The following DPH6 variants were observed in gnomAD, a reference collection of about 807,000 sequenced individuals.
The protein encoded by DPH6 is diphthamine biosynthesis 6, also known as diphthine--ammonia ligase.
In DPH6, 33 loss-of-function variants were observed where a neutral mutation model predicts 38.2. The ratio of observed to expected loss-of-function variants is 0.86; its 90% CI spans 0.65 to 1.15. The LOEUF (loss-of-function observed/expected upper bound fraction) is 1.15. Among genes scored for constraint, DPH6 ranks in the 50% most tolerant of loss-of-function variants. The pLI is 0.00. For missense variants in DPH6, 325 were observed against 320.0 expected (o/e 1.02, Z -0.12); for synonymous variants, 108 against 103.0 (o/e 1.05, Z -0.30).
At chr15:35,392,674 G>T (rs992885708) in intron 6 of DPH6, among the ~76,000 whole-genome samples, 1 of 152,136 alleles carries the variant, frequency 6.6e-6, no homozygotes, top group African/African-American at 2.4e-5. Flanking sequence ...ATTTAAATAA[G>T]CAATTACAAT....
intron 5 of DPH6, among the ~76,000 whole-genome samples, chr15:35,440,069 A>T (rs1288058387): frequency 6.6e-6 from 1 of 152,214 alleles, no homozygotes; most frequent in African/African-American, 2.4e-5. Context: ...TTAGGCTTAC[A>T]CTGCTTATTC....
intron 3 of DPH6, among the ~76,000 whole-genome samples, chr15:35,502,234 A>C (rs1477474176): frequency 6.6e-6 from 1 of 152,086 alleles, no homozygotes; most frequent in Admixed American, 6.6e-5. Flanking sequence ...TCTGAGTTGA[A>C]AATTTTTGAA....
intron 3 of DPH6, among the ~76,000 whole-genome samples, chr15:35,306,461 A>G (rs1277777391): frequency 6.6e-6 from 1 of 152,142 alleles, no homozygotes; most frequent in Non-Finnish European, 1.5e-5. Context: ...ATTCAAAGCC[A>G]AAGCAGGGCA....
At chr15:35,400,774 A>G in intron 6 of DPH6, 1 of 755,788 alleles carries the variant, frequency 1.3e-6, no homozygotes, top group Non-Finnish European at 2.4e-6. Context: ...AACCGATGAG[A>G]GCCCGAGGAT....
rs55735987 is a variant in DPH6, at chr15:35,279,068, A to ATATATAT, written n.201-58487_201-58486insATATATA. Among the ~76,000 whole-genome samples the ATATATAT allele has an allele frequency of 2.1e-4, 22 of 102,966 alleles. No homozygotes were observed. In the South Asian group the frequency reaches 3.0e-3, roughly 14 times the overall value. 67.5% of individuals were successfully genotyped at this position (102,966 alleles called of 152,430 possible). A position where few individuals can be genotyped will look rare whatever the true frequency, so the allele number is the denominator to read the frequency against. On this transcript the variant is annotated intron_variant and non_coding_transcript_variant, in intron 3 of 3. Transcript: ENST00000560386. ...TGTCTCAAAAAAAAAAAAAAAAAAAAATATATATATATATATAATTTTGGA... is the reference window on the plus strand; with the variant it reads ...TGTCTCAAAAAAAAAAAAAAAAAAAATATATATATATATATATATATATAATTTTGGA...
rs2051938723 is a variant in DPH6 at position 35,285,872 on chromosome 15, G to GTTTTTTTTTTTGTTTTTT, written n.201-65291_201-65290insAAAAAACAAAAAAAAAAA. ...GACTCAATTATCATTTTATCTTTGA[G>GTTTTTTTTTTTGTTTTTT]TTTTTTTTTTTTTTTTTACCTGAGA... On this transcript the variant is annotated intron_variant and non_coding_transcript_variant, in intron 3 of 3. Coordinates refer to the DPH6 transcript ENST00000560386. 5.7e-5 allele frequency among the ~76,000 whole-genome samples: 3 copies of GTTTTTTTTTTTGTTTTTT among 52,814 alleles called. No homozygotes were observed. In the South Asian group the frequency reaches 2.8e-3, roughly 49 times the overall value. 34.6% of individuals were successfully genotyped at this position (52,814 alleles called of 152,430 possible).
chr15:35,413,491 TA>T (rs1321086419), intron 5 of DPH6, among the ~76,000 whole-genome samples: 2 of 151,736 alleles, frequency 1.3e-5, no homozygotes, highest in Admixed American at 6.6e-5. Context: ...TCATAATTTC[TA>T]AAACTTCTTG....
At chr15:35,383,943 A>G (rs1476110574) in intron 6 of DPH6, among the ~76,000 whole-genome samples, 1 of 152,238 alleles carries the variant, frequency 6.6e-6, no homozygotes, top group East Asian at 1.9e-4. Context: ...TGTAGCACAA[A>G]AGCATGACGT....
the DPH6 span, among the ~76,000 whole-genome samples, chr15:35,153,980 G>T: frequency 9.2e-5 from 14 of 152,256 alleles, 1 homozygote; most frequent in South Asian, 2.9e-3. Flanking sequence ...GCATAATTGA[G>T]TAGTTCATAC....
intron 6 of DPH6, among the ~76,000 whole-genome samples, chr15:35,391,339 T>C (rs566829850): frequency 1.1e-4 from 16 of 152,312 alleles, no homozygotes; most frequent in African/African-American, 3.8e-4. Flanking sequence ...CCAAGCTGCA[T>C]GCTGGGAGAA....
At position 35,420,168 on chromosome 15, in the gene DPH6, T is replaced by C. The variant is rs530669925; in HGVS notation, c.506-9272A>G. ...TGAGAAGTGTGTGAAAATTAAACAA[T>C]ATGCTCCTGAAGGAGCATATGACCC... is the stretch of plus-strand genomic sequence containing the variant. On this transcript the variant is annotated intron_variant, in intron 5 of 8. Transcript: ENST00000256538. 2.0e-5 allele frequency among the ~76,000 whole-genome samples: 3 copies of C among 152,204 alleles called. No individual in the cohort carries two copies. In the East Asian group the frequency reaches 5.8e-4, roughly 29 times the overall value.
intron 3 of DPH6, chr15:35,298,873 T>C: frequency 2.0e-6 from 2 of 987,880 alleles, no homozygotes; most frequent in Non-Finnish European, 3.3e-6. Context: ...GTCCTCTTCA[T>C]AAGGAAAATC....
intron 7 of DPH6, 79 bp downstream of exon 7, chr15:35,381,743 T>C (rs2052869402): frequency 9.0e-7 from 1 of 1,114,410 alleles, no homozygotes; most frequent in Admixed American, 2.0e-5. Context: ...CCAACAAAAG[T>C]TGCCTCAAGC....
At chr15:35,163,518 T>C in the DPH6 span, among the ~76,000 whole-genome samples, 2 of 151,834 alleles carry the variant, frequency 1.3e-5, no homozygotes, top group African/African-American at 2.4e-5. Flanking sequence ...CTAATGCAAA[T>C]AGAATAAGCT....
intron 3 of DPH6, among the ~76,000 whole-genome samples, chr15:35,496,750 A>G (rs1405110186): frequency 1.3e-5 from 2 of 151,522 alleles, no homozygotes; most frequent in African/African-American, 2.4e-5. Context: ...ACCACAATGC[A>G]TAACAGTACA....
intron 4 of DPH6, among the ~76,000 whole-genome samples, chr15:35,451,484 A>G (rs1185326664): frequency 6.6e-6 from 1 of 152,164 alleles, no homozygotes; most frequent in Non-Finnish European, 1.5e-5. Flanking sequence ...AGTTCCTTTC[A>G]AAGTTCTTAA....
chr15:35,378,567 G>A (rs945447701), intron 7 of DPH6, among the ~76,000 whole-genome samples: 1 of 152,148 alleles, frequency 6.6e-6, no homozygotes, highest in Non-Finnish European at 1.5e-5. Flanking sequence ...CAAAGACTTG[G>A]AACCAACCTA....
At chr15:35,443,238 A>T (rs909619563) in intron 5 of DPH6, among the ~76,000 whole-genome samples, 1 of 152,172 alleles carries the variant, frequency 6.6e-6, no homozygotes, top group East Asian at 1.9e-4. Context: ...TGTCTCATAT[A>T]TTGTTACCAT....
chr15:35,181,590 T>G, the DPH6 span, among the ~76,000 whole-genome samples: 1 of 152,098 alleles, frequency 6.6e-6, no homozygotes, highest in Non-Finnish European at 1.5e-5. Flanking sequence ...CAGTGAGTAA[T>G]GTACTACTTT....
Sources: allele counts gnomAD v4.1 joint callset (sites outside exome capture counted in the v4.1 genomes callset), GRCh38; gene constraint gnomAD v4.1.1; transcripts MANE v1.5; gene names NCBI Gene and HGNC (gene_info 2026-07-23, HGNC 2026-07-21).